Variants in CABIN1 observed in about 807,000 individuals in gnomAD.
CABIN1 encodes the protein calcineurin binding protein 1, also known as calcineurin-binding protein cabin-1.
A neutral mutation model predicts 227.7 loss-of-function variants in CABIN1; 133 were observed. That is an observed-to-expected ratio of 0.58 (90% CI 0.51 to 0.67). The LOEUF (loss-of-function observed/expected upper bound fraction) is 0.67, where lower values mean the gene tolerates loss of function less well. CABIN1 is among the 30% of genes least tolerant of loss of function. The probability of loss-of-function intolerance (pLI) is 0.00; values close to 1 mark genes in which losing one functional copy is unlikely to be tolerated. For synonymous variants in CABIN1, 1,086 were observed against 1,155.1 expected, an observed-to-expected ratio of 0.94 and a Z score of 1.21; for missense variants, 2,408 against 2,852.5, an observed-to-expected ratio of 0.84 and a Z score of 3.55.
chr22:24,108,129 G>A (rs367846287), intron 26 of CABIN1, among the ~76,000 whole-genome samples: 1 of 152,244 alleles, frequency 6.6e-6, no homozygotes, highest in Non-Finnish European at 1.5e-5. Flanking sequence ...CAGGGACAGA[G>A]GTAGGAAGAC....
chr22:24,046,242 G>T (rs984738268), intron 6 of CABIN1, among the ~76,000 whole-genome samples: 1 of 152,132 alleles, frequency 6.6e-6, no homozygotes, highest in African/African-American at 2.4e-5. Flanking sequence ...TCTATTATGT[G>T]CATTTGCACA....
At chr22:24,033,495 A>G (rs780925317) in intron 1 of CABIN1, among the ~76,000 whole-genome samples, 2 of 152,152 alleles carry the variant, frequency 1.3e-5, no homozygotes, top group African/African-American at 2.4e-5. Flanking sequence ...AGTGGAGCAC[A>G]TGTTCAATCT....
rs373042718 is a variant in CABIN1 at position 24,071,505 on chromosome 22, C to A, written c.2475+463C>A. Among the ~76,000 whole-genome samples the A allele has an allele frequency of 3.9e-4, 60 of 152,294 alleles. 1 individual carries two copies. The highest frequency in any genetic ancestry group is 1.3e-3 in the African/African-American group (56 of 41,540). On this transcript the variant is annotated intron_variant, in intron 17 of 36. Transcript: ENST00000263119. ...TCTGAAGCACTCTGGGCTCTCTCCTCAATTCCCGCTCAGGCCATCAGCAAG... is the reference window on the plus strand; with the variant it reads ...TCTGAAGCACTCTGGGCTCTCTCCTAAATTCCCGCTCAGGCCATCAGCAAG...
chr22:24,035,389 T>C lies in CABIN1; in HGVS notation c.-74-55T>C. On this transcript the variant is annotated intron_variant, in intron 1 of 36. Transcript: ENST00000263119. ...TGGTTCCTGGTGGACCTTGGCACTG[T>C]GACCTTCCTGGCTCTTCATAGGCCT... The C allele has an allele frequency of 2.4e-6, 3 of 1,264,286 alleles. No homozygotes were observed. The South Asian group carries it at 3.6e-5, about 15-fold the overall frequency. 78.3% of individuals were successfully genotyped at this position (1,264,286 alleles called of 1,614,324 possible).
chr22:24,067,411 C>T (rs963763215), intron 16 of CABIN1, among the ~76,000 whole-genome samples: 1 of 151,970 alleles, frequency 6.6e-6, no homozygotes, highest in Non-Finnish European at 1.5e-5. Context: ...TCAGGGTGAA[C>T]CCCACACTTG....
At chr22:24,019,860 T>C (rs1362614004) in intron 1 of CABIN1, among the ~76,000 whole-genome samples, 4 of 151,910 alleles carry the variant, frequency 2.6e-5, no homozygotes, top group Non-Finnish European at 5.9e-5. Flanking sequence ...TTTCTCCATG[T>C]TGGTCAGGCT....
At chr22:24,117,525 G>C in intron 27 of CABIN1, among the ~76,000 whole-genome samples, 1 of 147,428 alleles carries the variant, frequency 6.8e-6, no homozygotes, top group Non-Finnish European at 1.5e-5. Flanking sequence ...GTTTCTCAGG[G>C]GTTTTTTTGT....
At position 24,096,072 on chromosome 22, in the gene CABIN1, G is replaced by A. The variant is rs367920612; in HGVS notation, c.3928G>A (p.Ala1310Thr). ...GGGCGAGGAGAAGAACACACCCAAA[G>A]CTTCAGAAAAGTGAGTAGCACCCTT... is the stretch of plus-strand genomic sequence containing the variant. ...ARGEEKNTPK[A>T]SEKEKACLVD... is the part of the protein sequence containing the mutation. Residue 1310 changes from alanine to threonine, a missense_variant, in exon 25 of 37, where the codon GCT (alanine) becomes ACT (threonine). Transcript: ENST00000263119. 36 of 1,614,032 alleles carry A rather than the reference G, an allele frequency of 2.2e-5. No homozygotes were observed. The highest frequency in any genetic ancestry group is 2.8e-5 in the Non-Finnish European group (33 of 1,180,022).
intron 6 of CABIN1, among the ~76,000 whole-genome samples, chr22:24,046,975 G>A (rs934953564): frequency 6.6e-6 from 1 of 152,164 alleles, no homozygotes; most frequent in Non-Finnish European, 1.5e-5. Context: ...CAGCCTTTTT[G>A]TTCTGTTCAG....
At chr22:24,086,018 A>G (rs1286811863) in intron 22 of CABIN1, among the ~76,000 whole-genome samples, 1 of 152,212 alleles carries the variant, frequency 6.6e-6, no homozygotes, top group Non-Finnish European at 1.5e-5. Context: ...TCTGGCCAAG[A>G]AGAGAAGGGA....
In CABIN1 at chr22:24,041,804, A is replaced by G. The variant is rs374807957; in HGVS notation, c.345+531A>G. On this transcript the variant is annotated intron_variant, in intron 5 of 36. Coordinates refer to ENST00000263119, the MANE Select transcript of CABIN1 (RefSeq NM_012295.4). The stretch of plus-strand genomic sequence containing the variant: ...CTACGCATACACTAATCCTCATGCC[A>G]TCTTGCAAGGAAGGAGTCTTTATCC... 5.9e-4 allele frequency among the ~76,000 whole-genome samples: 90 copies of G among 152,354 alleles called. 1 individual carries two copies. The South Asian group carries it at 0.018, about 30-fold the overall frequency.
chr22:24,150,549 C>A (rs1476057756), intron 29 of CABIN1, among the ~76,000 whole-genome samples: 1 of 152,178 alleles, frequency 6.6e-6, no homozygotes, highest in Non-Finnish European at 1.5e-5. Flanking sequence ...GGTGTGGAGG[C>A]CCGAGTGCTG....
At chr22:24,021,190 T>G (rs1234865025) in intron 1 of CABIN1, among the ~76,000 whole-genome samples, 1 of 151,766 alleles carries the variant, frequency 6.6e-6, no homozygotes, top group Middle Eastern at 3.2e-3. Context: ...TATTTATTTA[T>G]TTATTTATTT....
rs1164006566 is a variant in CABIN1 at position 24,061,971 on chromosome 22, T to C, written c.1642T>C (p.Cys548Arg). The C allele has an allele frequency of 6.2e-7, 1 of 1,614,080 alleles. No homozygotes were observed. Among genetic ancestry groups the C allele is most frequent in the Non-Finnish European group, 8.5e-7 (1 of 1,179,966 alleles). Residue 548 changes from cysteine (C) to arginine (R), a missense_variant, in exon 13 of 37, where the codon TGC becomes CGC. Coordinates refer to ENST00000263119, the MANE Select transcript of CABIN1 (RefSeq NM_012295.4). ...GGACATGATGCTGATGTCTCTCTCCTGCATGGAACTCCAGCTGGACCAGTG... is the reference window on the plus strand; with the variant it reads ...GGACATGATGCTGATGTCTCTCTCCCGCATGGAACTCCAGCTGGACCAGTG... ...IKDMMLMSLSCMELQLDQWLL... is the reference protein window; with the variant it reads ...IKDMMLMSLSRMELQLDQWLL...
At chr22:24,085,172 G>A (rs1191070980) in intron 22 of CABIN1, 21 bp downstream of exon 22, 2 of 1,613,966 alleles carry the variant, frequency 1.2e-6, no homozygotes, top group Middle Eastern at 1.7e-4. Flanking sequence ...AGATCATGAG[G>A]CTAGGCTGGC....
chr22:24,094,613 C>T (rs893846371), intron 24 of CABIN1, among the ~76,000 whole-genome samples: 8 of 150,848 alleles, frequency 5.3e-5, no homozygotes, highest in African/African-American at 2.0e-4. Context: ...GTCAGGAGAT[C>T]GAGACCATCC....
chr22:24,082,524 T>C (rs1667475250), intron 19 of CABIN1, among the ~76,000 whole-genome samples: 1 of 152,256 alleles, frequency 6.6e-6, no homozygotes, highest in African/African-American at 2.4e-5. Flanking sequence ...TGAATTGTGT[T>C]CAGCTGAGGA....
intron 18 of CABIN1, among the ~76,000 whole-genome samples, chr22:24,074,495 A>G (rs1008576594): frequency 1.3e-5 from 2 of 152,286 alleles, no homozygotes; most frequent in African/African-American, 2.4e-5. Context: ...GGAGAGTGGC[A>G]TGAGGGGAAA....
At chr22:24,029,234 A>G (rs1281062161) in intron 1 of CABIN1, among the ~76,000 whole-genome samples, 2 of 152,132 alleles carry the variant, frequency 1.3e-5, no homozygotes, top group Non-Finnish European at 2.9e-5. Context: ...CATGCCTGTA[A>G]TGCCAGTTAC....
Sources: gnomAD v4.1 joint callset for allele counts (sites outside exome capture counted in the v4.1 genomes callset) on GRCh38, gnomAD v4.1.1 for gene constraint, MANE v1.5 for transcripts, NCBI Gene and HGNC (gene_info 2026-07-23, HGNC 2026-07-21) for gene names.